The following LARP7 variants were observed in gnomAD, a reference collection of about 807,000 sequenced individuals.
LARP7 encodes La ribonucleoprotein 7, transcriptional regulator.
LARP7 carries 52 observed loss-of-function variants against 69.3 expected under a neutral mutation model. The ratio of observed to expected loss-of-function variants is 0.75; its 90% CI spans 0.60 to 0.95. The LOEUF (loss-of-function observed/expected upper bound fraction) is 0.95. LARP7 is among the 40% of genes least tolerant of loss of function. The pLI is 0.00. For synonymous variants in LARP7, 254 were observed against 215.9 expected, an observed-to-expected ratio of 1.18 and a Z score of -1.55; for missense variants, 733 against 673.0, an observed-to-expected ratio of 1.09 and a Z score of -0.99.
At chr4:112,653,851 C>T (rs1408249079) in intron 11 of LARP7, among the ~76,000 whole-genome samples, 1 of 152,140 alleles carries the variant, frequency 6.6e-6, no homozygotes, top group Non-Finnish European at 1.5e-5. Flanking sequence ...TCTGGTGATC[C>T]TCCCTCCTCG....
intron 9 of LARP7, 149 bp from the exon 10 acceptor site, chr4:112,650,312 A>G (rs2048663432): frequency 4.3e-6 from 3 of 704,932 alleles, no homozygotes; most frequent in African/African-American, 1.8e-5. Context: ...GCAGTATGAC[A>G]TATAACCTTT....
chr4:112,646,757 GAA>G, intron 4 of LARP7, 32 bp from the exon 5 acceptor site: 1 of 1,559,494 alleles, frequency 6.4e-7, no homozygotes, highest in East Asian at 2.2e-5. Context: ...TTCTGATTGT[GAA>G]AAACTCTAAT....
At chr4:112,638,782 TGTC>T (rs1226572249) in intron 1 of LARP7, among the ~76,000 whole-genome samples, 2 of 152,244 alleles carry the variant, frequency 1.3e-5, no homozygotes, top group South Asian at 2.1e-4. Flanking sequence ...AATGTGTCCT[TGTC>T]GTTAAGCAAC....
chr4:112,655,132 G>A (rs1484091668), intron 12 of LARP7, among the ~76,000 whole-genome samples: 1 of 152,166 alleles, frequency 6.6e-6, no homozygotes, highest in East Asian at 1.9e-4. Context: ...TGAACTTGCT[G>A]TGGTGGGGAA....
Position 112,644,679 on chromosome 4 carries a change from GAA to G in LARP7, c.12_13del (p.Ser5TrpfsTer13), listed in dbSNP as rs1240947135. 1.2e-6 allele frequency: 2 copies of G among 1,600,962 alleles called. No individual in the cohort carries two copies. Among genetic ancestry groups the G allele is most frequent in the East Asian group, 2.2e-5 (1 of 44,536 alleles). ...CTTGTAATTCACAGGAATGGAAACT[GAA>G]AGTGGAAATCAGGAAAAGGTAATGG... Reference protein sequence around the residue: METESGNQEKVMEE... With the variant: METXSGNQEKVMEE... On this transcript the variant is annotated frameshift_variant, in exon 2 of 13. Coordinates refer to ENST00000344442, the MANE Select transcript of LARP7 (RefSeq NM_016648.4). LOFTEE classifies it high-confidence loss of function.
chr4:112,644,356 C>G, intron 1 of LARP7: 1 of 442,464 alleles, frequency 2.3e-6, no homozygotes, highest in Non-Finnish European at 3.6e-6. Flanking sequence ...CTTAATCTTA[C>G]ACTTTTCACT....
intron 10 of LARP7, 25 bp from the exon 11 acceptor site, chr4:112,653,052 G>T: frequency 1.3e-6 from 2 of 1,542,440 alleles, no homozygotes; most frequent in Non-Finnish European, 1.7e-6. Context: ...AATTTTATTT[G>T]TCTTTCTACT....
chr4:112,656,421 T>C (rs2048957148), intron 12 of LARP7, among the ~76,000 whole-genome samples: 1 of 151,898 alleles, frequency 6.6e-6, no homozygotes, highest in Admixed American at 6.6e-5. Context: ...TAAAATAATA[T>C]ATTAAACACA....
intron 10 of LARP7, among the ~76,000 whole-genome samples, chr4:112,652,103 A>G (rs2048768336): frequency 6.6e-6 from 1 of 151,834 alleles, no homozygotes; most frequent in African/African-American, 2.4e-5. Context: ...AGAAACTCAC[A>G]GATTTTATTA....
chr4:112,644,507 T>C, intron 1 of LARP7, 161 bp from the exon 2 acceptor site: 1 of 1,082,352 alleles, frequency 9.2e-7, no homozygotes, highest in South Asian at 2.5e-5. Flanking sequence ...TTTTTAAATT[T>C]AATTTATTAA....
intron 1 of LARP7, among the ~76,000 whole-genome samples, chr4:112,643,960 T>C (rs2048058635): frequency 6.6e-6 from 1 of 151,900 alleles, no homozygotes; most frequent in South Asian, 2.1e-4. Context: ...AAAATCAAAA[T>C]TGCCAGGCGC....
Position 112,646,452 on chromosome 4 carries a change from G to GT in LARP7, c.303+2dup. ...ATTGAGAAGTTCAGCTGTTGTAGAG[G>GT]TAAGAATCAAGAATAACTACTGTTT... is the stretch of plus-strand genomic sequence containing the variant. On this transcript the variant is annotated splice_donor_variant, in intron 3 of 12. Transcript: ENST00000344442. LOFTEE classifies it high-confidence loss of function. The GT allele has an allele frequency of 6.4e-7, 1 of 1,555,928 alleles. No individual in the cohort carries two copies. Among genetic ancestry groups the GT allele is most frequent in the Non-Finnish European group, 8.8e-7 (1 of 1,133,966 alleles).
chr4:112,641,455 A>G (rs1447900254), intron 1 of LARP7, among the ~76,000 whole-genome samples: 2 of 152,098 alleles, frequency 1.3e-5, no homozygotes, highest in African/African-American at 4.8e-5. Context: ...TGATTTACAT[A>G]TTTAAATGGT....
At chr4:112,648,516 T>C (rs765952981) in intron 8 of LARP7, 9 of 534,136 alleles carry the variant, frequency 1.7e-5, no homozygotes, top group Admixed American at 1.9e-5. Context: ...CACTTACTTT[T>C]AAAGTCACAG....
chr4:112,641,382 C>A (rs987015454), intron 1 of LARP7, among the ~76,000 whole-genome samples: 2 of 150,242 alleles, frequency 1.3e-5, no homozygotes, highest in African/African-American at 4.9e-5. Context: ...AGTGAGACTC[C>A]GTCTCAGGGA....
intron 8 of LARP7, 123 bp from the exon 9 acceptor site, chr4:112,649,411 GT>G: frequency 1.3e-6 from 1 of 758,828 alleles, no homozygotes. Flanking sequence ...TTGAATATGT[GT>G]TTAAAGAAAC....
At chr4:112,656,089 A>T (rs1200269500) in intron 12 of LARP7, among the ~76,000 whole-genome samples, 2 of 152,150 alleles carry the variant, frequency 1.3e-5, no homozygotes, top group South Asian at 2.1e-4. Flanking sequence ...GAGTAAAAGT[A>T]AAAAAATTCT....
chr4:112,643,690 A>T (rs1008935804), intron 1 of LARP7, among the ~76,000 whole-genome samples: 2 of 152,130 alleles, frequency 1.3e-5, no homozygotes, highest in African/African-American at 4.8e-5. Flanking sequence ...TCTACTAAAA[A>T]TACAAAAATT....
chr4:112,657,197 TG>T, intron 12 of LARP7, 49 bp from the exon 13 acceptor site: 4 of 854,292 alleles, frequency 4.7e-6, no homozygotes, highest in South Asian at 1.8e-5. Context: ...TGTGTGTGTG[TG>T]TGTTTTGAGT....
Sources: allele counts gnomAD v4.1 joint callset (sites outside exome capture counted in the v4.1 genomes callset), GRCh38; gene constraint gnomAD v4.1.1; transcripts MANE v1.5; gene names NCBI Gene and HGNC (gene_info 2026-07-23, HGNC 2026-07-21).